WWP2: variants seen among roughly 807,000 people sequenced by gnomAD.
The protein encoded by WWP2 is NEDD4-like E3 ubiquitin-protein ligase WWP2.
WWP2 carries 57 observed loss-of-function variants against 121.0 expected under a neutral mutation model. The ratio of observed to expected loss-of-function variants is 0.47; its 90% CI spans 0.38 to 0.59. WWP2 has a LOEUF of 0.59. Among genes scored for constraint, WWP2 ranks in the 20% least tolerant of loss-of-function variants. The pLI is 0.00. For synonymous variants in WWP2, 449 were observed against 441.3 expected, an observed-to-expected ratio of 1.02 and a Z score of -0.22; for missense variants, 962 against 1,158.9, an observed-to-expected ratio of 0.83 and a Z score of 2.47.
At chr16:69,922,077 CAAAA>C (rs530518146) in intron 10 of WWP2, among the ~76,000 whole-genome samples, 2 of 96,596 alleles carry the variant, frequency 2.1e-5, no homozygotes, top group African/African-American at 3.3e-5. Context: ...GACTCCATCT[CAAAA>C]AAAAAAAAAA....
chr16:69,844,103 G>A (rs1337013852), intron 6 of WWP2, among the ~76,000 whole-genome samples: 1 of 152,036 alleles, frequency 6.6e-6, no homozygotes, highest in Non-Finnish European at 1.5e-5. Flanking sequence ...TAGAAGCAGA[G>A]ATGCCATTTC....
intron 6 of WWP2, among the ~76,000 whole-genome samples, chr16:69,863,856 G>A (rs557379548): frequency 4.6e-5 from 7 of 152,114 alleles, no homozygotes; most frequent in South Asian, 2.1e-4. Context: ...AGCATAATGC[G>A]GTTGTGATTC....
chr16:69,866,619 T>C (rs2057529384), intron 6 of WWP2, among the ~76,000 whole-genome samples: 1 of 152,106 alleles, frequency 6.6e-6, no homozygotes, highest in Non-Finnish European at 1.5e-5. Flanking sequence ...GGTTCATCCA[T>C]GTGGTAGCCT....
intron 4 of WWP2, among the ~76,000 whole-genome samples, chr16:69,808,869 A>G (rs957649055): frequency 1.3e-5 from 2 of 152,226 alleles, no homozygotes; most frequent in Non-Finnish European, 2.9e-5. Flanking sequence ...ACACACACAT[A>G]CATTTCTATT....
At chr16:69,787,876 T>C (rs2151796325) in intron 2 of WWP2, 1 of 152,492 alleles carries the variant, frequency 6.6e-6, no homozygotes, top group Middle Eastern at 3.4e-3. Context: ...CATCAGCGTA[T>C]CTGGTTGACT....
chr16:69,867,381 A>G (rs1409361317), intron 6 of WWP2, among the ~76,000 whole-genome samples: 7 of 152,172 alleles, frequency 4.6e-5, no homozygotes, highest in African/African-American at 1.7e-4. Flanking sequence ...AAGCTCCTTG[A>G]GGTCAGGGAC....
At chr16:69,868,503 G>C (rs2151912252) in intron 6 of WWP2, among the ~76,000 whole-genome samples, 1 of 152,272 alleles carries the variant, frequency 6.6e-6, no homozygotes, top group East Asian at 1.9e-4. Context: ...ACGTTTTGCA[G>C]GTCCTGCAGC....
Position 69,799,379 on chromosome 16 carries a change from C to G in WWP2, c.340+84C>G. 1.3e-6 allele frequency: 2 copies of G among 1,538,342 alleles called. No homozygotes were observed. Among genetic ancestry groups the G allele is most frequent in the Admixed American group, 2.0e-5 (1 of 50,792 alleles). On this transcript the variant is annotated intron_variant, in intron 4 of 23. Transcript: ENST00000359154. The surrounding 1 kb of genome is among the most constrained non-coding windows in gnomAD (Gnocchi z 4.5). The stretch of plus-strand genomic sequence containing the variant: ...AGATCAACCTGGTATTGCAATTTCC[C>G]CCAGGACTAGGGGCTGCAGTACCTC...
intron 4 of WWP2, among the ~76,000 whole-genome samples, chr16:69,821,711 C>A (rs2056595262): frequency 6.8e-6 from 1 of 147,444 alleles, no homozygotes; most frequent in Admixed American, 7.0e-5. Flanking sequence ...TCTCCCCTTT[C>A]TTTTCTTTCT....
intron 6 of WWP2, among the ~76,000 whole-genome samples, chr16:69,871,306 A>G (rs2057632141): frequency 6.6e-6 from 1 of 152,170 alleles, no homozygotes; most frequent in Non-Finnish European, 1.5e-5. Flanking sequence ...GACAACAACA[A>G]AAAGTGTCAA....
intron 21 of WWP2, among the ~76,000 whole-genome samples, chr16:69,938,219 G>A (rs2058829951): frequency 6.6e-6 from 1 of 151,040 alleles, no homozygotes. Flanking sequence ...TTGCTATGGT[G>A]CCCAGCCTGG....
intron 8 of WWP2, among the ~76,000 whole-genome samples, chr16:69,904,637 C>G (rs757861352): frequency 9.9e-5 from 15 of 152,196 alleles, no homozygotes; most frequent in Non-Finnish European, 1.5e-4. Context: ...TCCCAAAGTT[C>G]TGGTACTGTA....
At chr16:69,794,082 T>C (rs900193865) in intron 2 of WWP2, among the ~76,000 whole-genome samples, 4 of 152,162 alleles carry the variant, frequency 2.6e-5, no homozygotes, top group African/African-American at 9.7e-5. Context: ...CACGCCCGGC[T>C]AAGTTTTGTA....
At chr16:69,911,255 G>A (rs1410775848) in intron 9 of WWP2, among the ~76,000 whole-genome samples, 5 of 152,222 alleles carry the variant, frequency 3.3e-5, no homozygotes, top group African/African-American at 1.2e-4. Flanking sequence ...GGAGCAATAA[G>A]TATTGGACCT....
intron 8 of WWP2, among the ~76,000 whole-genome samples, chr16:69,893,760 G>A (rs1414264557): frequency 6.6e-6 from 1 of 152,078 alleles, no homozygotes; most frequent in Non-Finnish European, 1.5e-5. Flanking sequence ...GCCAGGCTGT[G>A]CTCGAACGCC....
At chr16:69,873,548 G>T (rs2057681505) in intron 7 of WWP2, among the ~76,000 whole-genome samples, 1 of 152,242 alleles carries the variant, frequency 6.6e-6, no homozygotes, top group South Asian at 2.1e-4. Flanking sequence ...CCTTGTGCTG[G>T]AACATCCGGT....
chr16:69,909,017 C>G, intron 9 of WWP2, 167 bp downstream of exon 9: 1 of 1,410,738 alleles, frequency 7.1e-7, no homozygotes, highest in Non-Finnish European at 9.2e-7. Flanking sequence ...GCTCCCATGT[C>G]TTAGGACATA....
intron 10 of WWP2, among the ~76,000 whole-genome samples, chr16:69,923,969 A>G (rs1183469083): frequency 6.6e-6 from 1 of 151,474 alleles, no homozygotes; most frequent in East Asian, 1.9e-4. Flanking sequence ...TTCAGTAATG[A>G]TTCAACGTGA....
intron 8 of WWP2, among the ~76,000 whole-genome samples, chr16:69,901,730 G>A (rs8056707): frequency 0.068 from 10,325 of 152,190 alleles, 563 homozygotes; most frequent in East Asian, 0.31. Context: ...AGCTGATAAT[G>A]CTCTTACCAA....
Sources: allele counts gnomAD v4.1 joint callset (sites outside exome capture counted in the v4.1 genomes callset), GRCh38; gene constraint gnomAD v4.1.1; non-coding constraint Gnocchi (gnomAD v3.1); transcripts MANE v1.5; gene names NCBI Gene and HGNC (gene_info 2026-07-23, HGNC 2026-07-21).